GPC6: variants seen among roughly 807,000 people sequenced by gnomAD.
GPC6 encodes the protein glypican-6.
In GPC6, 14 loss-of-function variants were observed where a neutral mutation model predicts 55.2. That is an observed-to-expected ratio of 0.25 (90% confidence interval 0.17 to 0.40). The LOEUF (loss-of-function observed/expected upper bound fraction) is 0.40. GPC6 is among the 10% of genes least tolerant of loss of function. The pLI, the probability that GPC6 is intolerant of heterozygous loss-of-function variation, is 1.00. For missense variants in GPC6, 641 were observed against 708.5 expected, an observed-to-expected ratio of 0.90 and a Z score of 1.08; for synonymous variants, 278 against 259.6, an observed-to-expected ratio of 1.07 and a Z score of -0.68.
At chr13:93,438,274 G>A (rs9524061) in intron 1 of GPC6, among the ~76,000 whole-genome samples, 23,105 of 152,048 alleles carry the variant, frequency 0.15, 2,340 homozygotes, top group East Asian at 0.47. Context: ...GAGTCATTTC[G>A]ACTTTCAAAT....
At chr13:93,587,316 A>G (rs909442319) in intron 2 of GPC6, among the ~76,000 whole-genome samples, 3 of 152,196 alleles carry the variant, frequency 2.0e-5, no homozygotes, top group Non-Finnish European at 4.4e-5. Context: ...TGCATAGAGC[A>G]ATGCCAGGCA....
intron 2 of GPC6, among the ~76,000 whole-genome samples, chr13:93,743,266 C>A (rs1178549403): frequency 6.6e-6 from 1 of 152,136 alleles, no homozygotes; most frequent in African/African-American, 2.4e-5. Flanking sequence ...AGAGGAGTTA[C>A]ACCAAAGCTA....
intron 6 of GPC6, among the ~76,000 whole-genome samples, chr13:94,367,343 T>C (rs1879328314): frequency 6.6e-6 from 1 of 152,240 alleles, no homozygotes; most frequent in Non-Finnish European, 1.5e-5. Flanking sequence ...TGTTTTTCTT[T>C]TCACTATTGA....
intron 4 of GPC6, among the ~76,000 whole-genome samples, chr13:94,250,936 T>C (rs1243331362): frequency 6.6e-6 from 1 of 152,046 alleles, no homozygotes; most frequent in Non-Finnish European, 1.5e-5. Context: ...ATTTTCGACA[T>C]TGATGCAGAA....
At chr13:93,848,818 A>G (rs765505045) in intron 3 of GPC6, among the ~76,000 whole-genome samples, 6 of 152,014 alleles carry the variant, frequency 3.9e-5, no homozygotes, top group South Asian at 2.1e-4. Context: ...TGTAATTTTT[A>G]TCAGAGTTTC....
intron 1 of GPC6, among the ~76,000 whole-genome samples, chr13:93,496,906 G>A (rs1224438439): frequency 6.6e-6 from 1 of 152,168 alleles, no homozygotes; most frequent in African/African-American, 2.4e-5. Flanking sequence ...AGTCTGCTAG[G>A]ATGAAAAATA....
intron 1 of GPC6, among the ~76,000 whole-genome samples, chr13:93,474,788 C>T (rs569758478): frequency 6.6e-6 from 1 of 152,264 alleles, no homozygotes; most frequent in Admixed American, 6.5e-5. Context: ...GGTGATCACT[C>T]CCATCTTACC....
At chr13:94,069,289 G>A (rs1471210410) in intron 4 of GPC6, among the ~76,000 whole-genome samples, 3 of 152,122 alleles carry the variant, frequency 2.0e-5, no homozygotes, top group Non-Finnish European at 4.4e-5. Flanking sequence ...GTGCAGCTGG[G>A]ACACAGGAGA....
chr13:93,255,752 A>T (rs1876930489), intron 1 of GPC6, among the ~76,000 whole-genome samples: 1 of 152,182 alleles, frequency 6.6e-6, no homozygotes, highest in South Asian at 2.1e-4. Flanking sequence ...CTGTATACCA[A>T]GAATATATTT....
chr13:93,991,450 T>G (rs995667410), intron 3 of GPC6, among the ~76,000 whole-genome samples: 13 of 152,136 alleles, frequency 8.5e-5, no homozygotes, highest in Admixed American at 8.5e-4. Context: ...TGTTTGAGAG[T>G]AGATGTTCAA....
At chr13:93,937,169 C>T (rs117661676) in intron 3 of GPC6, among the ~76,000 whole-genome samples, 3,663 of 152,274 alleles carry the variant, frequency 0.024, 56 homozygotes, top group Middle Eastern at 0.051. Flanking sequence ...TTTCCTGTTA[C>T]GAATTACATG....
At chr13:94,280,207 G>A (rs1293862939) in intron 4 of GPC6, among the ~76,000 whole-genome samples, 1 of 152,060 alleles carries the variant, frequency 6.6e-6, no homozygotes, top group Non-Finnish European at 1.5e-5. Context: ...GCACTTCTTT[G>A]CCTTTTTTGA....
rs56928879 is a variant in GPC6 at position 93,738,936 on chromosome 13, T to TACACACAC, written c.320-91189_320-91182dup. Reference sequence around the variant, plus strand: ...TTTAAATTCCAAGTGCACTTGGTTTTACACACACACACACACACACACACA... The same window carrying TACACACAC: ...TTTAAATTCCAAGTGCACTTGGTTTTACACACACACACACACACACACACACACACACA... On this transcript the variant is annotated intron_variant, in intron 2 of 8. Coordinates refer to ENST00000377047, the MANE Select transcript of GPC6 (RefSeq NM_005708.5). 8.1e-3 allele frequency among the ~76,000 whole-genome samples: 1,178 copies of TACACACAC among 145,560 alleles called. 10 individuals carry two copies. The highest frequency in any genetic ancestry group is 0.019 in the African/African-American group (738 of 39,186).
At chr13:94,324,635 G>A (rs1354417127) in intron 6 of GPC6, among the ~76,000 whole-genome samples, 1 of 151,528 alleles carries the variant, frequency 6.6e-6, no homozygotes, top group Non-Finnish European at 1.5e-5. Flanking sequence ...TAAGACTTAC[G>A]GCACAAAGAT....
chr13:94,090,196 G>A (rs1036053448), intron 4 of GPC6, among the ~76,000 whole-genome samples: 3 of 152,112 alleles, frequency 2.0e-5, no homozygotes, highest in African/African-American at 7.2e-5. Flanking sequence ...AAGAGAATGT[G>A]TGCAGGGGAA....
intron 1 of GPC6, among the ~76,000 whole-genome samples, chr13:93,442,240 A>G (rs1877832943): frequency 6.6e-6 from 1 of 152,154 alleles, no homozygotes; most frequent in South Asian, 2.1e-4. Flanking sequence ...AAAGGAGTTT[A>G]GGAAGATTTT....
intron 1 of GPC6, among the ~76,000 whole-genome samples, chr13:93,509,444 A>G (rs1268223074): frequency 6.6e-6 from 1 of 152,236 alleles, no homozygotes; most frequent in African/African-American, 2.4e-5. Flanking sequence ...CTTGACTCAA[A>G]GAAAGGGTAC....
chr13:94,361,797 G>A (rs1213051422), intron 6 of GPC6, among the ~76,000 whole-genome samples: 2 of 152,226 alleles, frequency 1.3e-5, no homozygotes, highest in Admixed American at 6.5e-5. Flanking sequence ...ATTAAAGGGT[G>A]CAAAAAATGT....
At chr13:94,010,843 A>G (rs1882215683) in intron 3 of GPC6, among the ~76,000 whole-genome samples, 1 of 152,192 alleles carries the variant, frequency 6.6e-6, no homozygotes, top group South Asian at 2.1e-4. Context: ...TGATGTTCCT[A>G]GGATTTTCAC....
Sources: allele counts gnomAD v4.1 joint callset (sites outside exome capture counted in the v4.1 genomes callset), GRCh38; gene constraint gnomAD v4.1.1; transcripts MANE v1.5; gene names NCBI Gene and HGNC (gene_info 2026-07-23, HGNC 2026-07-21).